The following C1QL3 variants were observed in gnomAD, a reference collection of about 807,000 sequenced individuals.
The protein encoded by C1QL3 is complement C1q like 3.
In C1QL3, 4 loss-of-function variants were observed where a neutral mutation model predicts 16.6. That is an observed-to-expected ratio of 0.24 (90% confidence interval 0.12 to 0.55). The LOEUF is 0.55. C1QL3 is among the 20% of genes least tolerant of loss of function. C1QL3 has a pLI of 0.94. For synonymous variants in C1QL3, 189 were observed against 160.2 expected (o/e 1.18, Z -1.36); for missense variants, 269 against 365.6 (o/e 0.74, Z 2.16).
chr10:16,514,023 C>A lies in C1QL3; in HGVS notation c.*505G>T. 1 of 303,046 alleles carries A rather than the reference C, an allele frequency of 3.3e-6. No individual in the cohort carries two copies. 18.8% of individuals were successfully genotyped at this position (303,046 alleles called of 1,614,324 possible). On this transcript the variant is annotated 3_prime_UTR_variant, in exon 2 of 2. Coordinates refer to ENST00000298943, the MANE Select transcript of C1QL3 (RefSeq NM_001010908.2). ...TCTAGCTCTAAGGTTAACAAGAGTA[C>A]AAGGCAAACAATTTCTTTGGGGACA...
chr10:16,519,140 C>CTTTGTTTTTTTTTTTTTT (rs1836996649), intron 1 of C1QL3, among the ~76,000 whole-genome samples: 1 of 39,476 alleles, frequency 2.5e-5, no homozygotes, highest in Non-Finnish European at 4.4e-5. Context: ...GCATTTAGGA[C>CTTTGTTTTTTTTTTTTTT]TTTTTTTTTT....
In C1QL3 at chr10:16,514,299, G is replaced by A. The variant is rs1836913977; in HGVS notation, c.*229C>T. On this transcript the variant is annotated 3_prime_UTR_variant, in exon 2 of 2. Coordinates refer to ENST00000298943, the MANE Select transcript of C1QL3 (RefSeq NM_001010908.2). ...CATTCACATGGACACTAACGATAAG[G>A]AGTATTTGCTTTGGCGGTAGTGGAT... 3 of 567,580 alleles carry A rather than the reference G, an allele frequency of 5.3e-6. No individual in the cohort carries two copies. Among genetic ancestry groups the A allele is most frequent in the Admixed American group, 3.3e-5 (1 of 30,608 alleles). The allele number at this position is 567,580 out of a possible 1,614,324, so 35.2% of individuals were successfully genotyped here.
intron 1 of C1QL3, among the ~76,000 whole-genome samples, chr10:16,519,291 T>G (rs1046135608): frequency 6.6e-6 from 1 of 151,710 alleles, no homozygotes; most frequent in Non-Finnish European, 1.5e-5. Flanking sequence ...TAAAGCCCAA[T>G]AGACCTCGTT....
rs1837041714 is a variant in C1QL3, at chr10:16,521,374, C to G, written c.-309G>C. The G allele has an allele frequency of 3.9e-6, 1 of 256,950 alleles. No homozygotes were observed. Among genetic ancestry groups the G allele is most frequent in the Admixed American group, 5.6e-5 (1 of 17,828 alleles). The allele number at this position is 256,950 out of a possible 1,614,324, so 15.9% of individuals were successfully genotyped here. On this transcript the variant is annotated 5_prime_UTR_variant, in exon 1 of 2. Transcript: ENST00000298943. ...GAGGGGTGCGCGGGGCGCCCTCGCCCCCCGCGAGCTCCTTCGCACCTGTGG... is the reference window on the plus strand; with the variant it reads ...GAGGGGTGCGCGGGGCGCCCTCGCCGCCCGCGAGCTCCTTCGCACCTGTGG...
Position 16,520,194 on chromosome 10 carries a change from G to C in C1QL3, c.588+284C>G, listed in dbSNP as rs1837017591. On this transcript the variant is annotated intron_variant, in intron 1 of 1. Transcript: ENST00000298943. The surrounding 1 kb of genome is among the most constrained non-coding windows in gnomAD (Gnocchi z 8.3). The stretch of plus-strand genomic sequence containing the variant: ...GCGCACGAGCTGTCCCCGGGACCCA[G>C]CTCCCGGCTTCCCGCCCCTCGAGGG... 2.0e-5 allele frequency among the ~76,000 whole-genome samples: 3 copies of C among 152,154 alleles called. No homozygotes were observed. Among genetic ancestry groups the C allele is most frequent in the Non-Finnish European group, 4.4e-5 (3 of 68,032 alleles).
At chr10:16,515,120 A>T (rs960242192) in intron 1 of C1QL3, among the ~76,000 whole-genome samples, 1 of 152,148 alleles carries the variant, frequency 6.6e-6, no homozygotes, top group Non-Finnish European at 1.5e-5. Flanking sequence ...ATGAGTACAG[A>T]AGTTCAAGTC....
chr10:16,520,360 G>T lies in C1QL3; in HGVS notation c.588+118C>A. On this transcript the variant is annotated intron_variant, in intron 1 of 1. Coordinates refer to ENST00000298943, the MANE Select transcript of C1QL3 (RefSeq NM_001010908.2). This position sits in a 1 kb window ranked among gnomAD's most constrained non-coding sequence, Gnocchi z 8.3. Reference sequence around the variant, plus strand: ...TCCCCCCTTGCCGTCGCTCCAGGGAGCCCGGCCGCCGCGCCCTTCCTCCGC... The same window carrying T: ...TCCCCCCTTGCCGTCGCTCCAGGGATCCCGGCCGCCGCGCCCTTCCTCCGC... 2.5e-6 allele frequency: 2 copies of T among 789,964 alleles called. No homozygotes were observed. The highest frequency in any genetic ancestry group is 3.9e-6 in the Non-Finnish European group (2 of 512,124). The allele number at this position is 789,964 out of a possible 1,614,324, so 48.9% of individuals were successfully genotyped here. A position where few individuals can be genotyped will look rare whatever the true frequency, so the allele number is the denominator to read the frequency against.
rs1272405772 is a variant in C1QL3 at position 16,520,846 on chromosome 10, G to A, written c.220C>T (p.Pro74Ser). 1 of 1,417,620 alleles carries A rather than the reference G, an allele frequency of 7.1e-7. No homozygotes were observed. The highest frequency in any genetic ancestry group is 9.2e-7 in the Non-Finnish European group (1 of 1,089,646). 87.8% of individuals were successfully genotyped at this position (1,417,620 alleles called of 1,614,324 possible). A position where few individuals can be genotyped will look rare whatever the true frequency, so the allele number is the denominator to read the frequency against. The change falls in exon 1 of 2, where the codon CCG becomes TCG. Residue 74 changes from proline (P) to serine (S), a missense_variant. Pro to Ser is a moderately conservative substitution (Grantham distance 74). Transcript: ENST00000298943. The surrounding 1 kb of genome is among the most constrained non-coding windows in gnomAD (Gnocchi z 8.3). ...CCGGGCTCTCCGGGGGGCCCGCGCGGACCCGCCTTCCCGGGCCTGCCGGCC... is the reference window on the plus strand; with the variant it reads ...CCGGGCTCTCCGGGGGGCCCGCGCGAACCCGCCTTCCCGGGCCTGCCGGCC... ...GEAGRPGKAG[P>S]RGPPGEPGPP... is the part of the protein sequence containing the mutation.
Position 16,520,835 on chromosome 10 carries a change from G to A in C1QL3, c.231C>T (p.Pro77=), listed in dbSNP as rs1350994511. The part of the protein sequence containing the change: ...GRPGKAGPRG[P]PGEPGPPGPM... ...GGCCGGGTGGCCCGGGCTCTCCGGGGGGCCCGCGCGGACCCGCCTTCCCGG... is the reference window on the plus strand; with the variant it reads ...GGCCGGGTGGCCCGGGCTCTCCGGGAGGCCCGCGCGGACCCGCCTTCCCGG... The change falls in exon 1 of 2, where the codon CCC becomes CCT. Residue 77 remains proline, a synonymous_variant. Transcript: ENST00000298943. This position sits in a 1 kb window ranked among gnomAD's most constrained non-coding sequence, Gnocchi z 8.3. 9 of 1,388,352 alleles carry A rather than the reference G, an allele frequency of 6.5e-6. No individual in the cohort carries two copies. Among genetic ancestry groups the A allele is most frequent in the Non-Finnish European group, 8.4e-6 (9 of 1,074,626 alleles). The allele number at this position is 1,388,352 out of a possible 1,614,324, so 86.0% of individuals were successfully genotyped here.
At position 16,520,237 on chromosome 10, in the gene C1QL3, C is replaced by A. The variant is rs1003576510; in HGVS notation, c.588+241G>T. 5.3e-5 allele frequency among the ~76,000 whole-genome samples: 8 copies of A among 152,044 alleles called. No homozygotes were observed. Among genetic ancestry groups the A allele is most frequent in the Non-Finnish European group, 8.8e-5 (6 of 67,978 alleles). On this transcript the variant is annotated intron_variant, in intron 1 of 1. Transcript: ENST00000298943. The surrounding 1 kb of genome is among the most constrained non-coding windows in gnomAD (Gnocchi z 8.3). ...CTCGAGGGTCGCGCTCGCAGGGGCG[C>A]GCACCGATCGAGGGTCCCAGACTCC...
chr10:16,520,103 C>G lies in C1QL3; in HGVS notation c.588+375G>C, dbSNP rs985913229. Among the ~76,000 whole-genome samples the G allele has an allele frequency of 1.3e-5, 2 of 152,176 alleles. No homozygotes were observed. Among genetic ancestry groups the G allele is most frequent in the African/African-American group, 4.8e-5 (2 of 41,454 alleles). ...AGGCCTCTCCACTCCCCAGAAAGCC[C>G]GTAAGCTACCCTCTGTTGCGGAGGA... is the stretch of plus-strand genomic sequence containing the variant. On this transcript the variant is annotated intron_variant, in intron 1 of 1. Transcript: ENST00000298943. The surrounding 1 kb of genome is among the most constrained non-coding windows in gnomAD (Gnocchi z 8.3).
chr10:16,515,278 A>G (rs1836933192), intron 1 of C1QL3, among the ~76,000 whole-genome samples: 1 of 151,782 alleles, frequency 6.6e-6, no homozygotes, highest in African/African-American at 2.4e-5. Context: ...AATCTAATTC[A>G]TGTAAAGCCC....
Position 16,514,607 on chromosome 10 carries a change from T to C in C1QL3, c.689A>G (p.Lys230Arg). The C allele has an allele frequency of 6.2e-7, 1 of 1,613,938 alleles. No individual in the cohort carries two copies. Among genetic ancestry groups the C allele is most frequent in the Non-Finnish European group, 8.5e-7 (1 of 1,179,782 alleles). ...HLEPGDEVYI[K>R]LDGGKAHGGN... Reference sequence around the variant, plus strand: ...TCCATGGGCTTTCCCGCCATCTAATTTGATATAGACTTCATCTCCCGGCTC... The same window carrying C: ...TCCATGGGCTTTCCCGCCATCTAATCTGATATAGACTTCATCTCCCGGCTC... The change falls in exon 2 of 2, where the codon AAA becomes AGA. Residue 230 changes from lysine (K) to arginine (R), a missense_variant. This residue lies in a region of C1QL3 where 23 missense variants were observed against 68.4 expected (regional missense o/e 0.34). Coordinates refer to ENST00000298943, the MANE Select transcript of C1QL3 (RefSeq NM_001010908.2).
At position 16,514,674 on chromosome 10, in the gene C1QL3, G is replaced by GGGC; in HGVS notation, c.621_622insGCC (p.Asp207_Gln208insAla). On this transcript the variant is annotated inframe_insertion, in exon 2 of 2. Coordinates refer to ENST00000298943, the MANE Select transcript of C1QL3 (RefSeq NM_001010908.2). ...CTGTTACTGGCATAGTCGTAATTCT[G>GGGC]ATCAGCATCTTGGGCAATTGCACTA... The GGGC allele has an allele frequency of 6.2e-7, 1 of 1,613,708 alleles. No individual in the cohort carries two copies.
chr10:16,516,148 T>G (rs1019340897), intron 1 of C1QL3, among the ~76,000 whole-genome samples: 2 of 152,184 alleles, frequency 1.3e-5, no homozygotes, highest in African/African-American at 4.8e-5. Flanking sequence ...GAAAATGGCT[T>G]AAAGGATTTA....
chr10:16,515,169 G>T (rs1431378073), intron 1 of C1QL3, among the ~76,000 whole-genome samples: 1 of 151,046 alleles, frequency 6.6e-6, no homozygotes, highest in Non-Finnish European at 1.5e-5. Context: ...GAAAATTGAG[G>T]TATGTAATAG....
chr10:16,514,531 G>A lies in C1QL3; in HGVS notation c.765C>T (p.Asp255=), dbSNP rs777367197. ...STFSGFIIYA[D] is the part of the protein sequence containing the mutation. Reference sequence around the variant, plus strand: ...AATAAGCTTAGTTTCTGCATTATCAGTCAGCATAAATAATAAATCCAGAAA... The same window carrying A: ...AATAAGCTTAGTTTCTGCATTATCAATCAGCATAAATAATAAATCCAGAAA... The change falls in exon 2 of 2, where the codon GAC becomes GAT. Residue 255 remains aspartate, a synonymous_variant. Coordinates refer to ENST00000298943, the MANE Select transcript of C1QL3 (RefSeq NM_001010908.2). 1 of 1,612,376 alleles carries A rather than the reference G, an allele frequency of 6.2e-7. No individual in the cohort carries two copies. The highest frequency in any genetic ancestry group is 8.5e-7 in the Non-Finnish European group (1 of 1,178,786).
At chr10:16,519,345 C>T (rs1037336324) in intron 1 of C1QL3, among the ~76,000 whole-genome samples, 2 of 151,404 alleles carry the variant, frequency 1.3e-5, no homozygotes, top group African/African-American at 4.9e-5. Flanking sequence ...GATGGCGATG[C>T]CAGGGTCGCG....
rs1262663169 is a variant in C1QL3 at position 16,521,657 on chromosome 10, CACCACAACTCGAATAG to C, written c.-608_-593del. 1 of 152,162 alleles carries C rather than the reference CACCACAACTCGAATAG, an allele frequency of 6.6e-6. No homozygotes were observed. Among genetic ancestry groups the C allele is most frequent in the Non-Finnish European group, 1.5e-5 (1 of 68,050 alleles). The allele number at this position is 152,162 out of a possible 1,614,324, so 9.4% of individuals were successfully genotyped here. A position where few individuals can be genotyped will look rare whatever the true frequency, so the allele number is the denominator to read the frequency against. ...CCTTTCTCTCTTCCTCCTTTGCCAC[CACCACAACTCGAATAG>C]ACGCGCACCCCAAAGCCCCGCGTGG... On this transcript the variant is annotated 5_prime_UTR_variant, in exon 1 of 2. Transcript: ENST00000298943.
Sources: gnomAD v4.1 joint callset for allele counts (sites outside exome capture counted in the v4.1 genomes callset) on GRCh38, gnomAD v4.1.1 for gene constraint, gnomAD v4.1.1 regional missense constraint, Gnocchi (gnomAD v3.1) non-coding constraint, MANE v1.5 for transcripts, NCBI Gene and HGNC (gene_info 2026-07-23, HGNC 2026-07-21) for gene names.